Variants in NHERF2 observed in about 807,000 individuals in gnomAD.
NHERF2 encodes Na(+)/H(+) exchange regulatory cofactor NHE-RF2.
the NHERF2 span, chr16:2,033,493 G>C: frequency 1.4e-6 from 2 of 1,467,976 alleles, no homozygotes; most frequent in Non-Finnish European, 9.1e-7. Flanking sequence ...AGCCTCCCGG[G>C]GTGGAAGGAG....
the NHERF2 span, among the ~76,000 whole-genome samples, chr16:2,028,378 G>A: frequency 6.6e-6 from 1 of 152,144 alleles, no homozygotes; most frequent in East Asian, 1.9e-4. Flanking sequence ...CCAGGGCTGG[G>A]GCCAGGCTGC....
chr16:2,029,004 G>A, the NHERF2 span, among the ~76,000 whole-genome samples: 1 of 152,206 alleles, frequency 6.6e-6, no homozygotes, highest in Admixed American at 6.5e-5. Flanking sequence ...CCTCTCTGCA[G>A]ATCCAGAGGG....
chr16:2,031,078 T>C, the NHERF2 span, among the ~76,000 whole-genome samples: 1 of 152,196 alleles, frequency 6.6e-6, no homozygotes, highest in African/African-American at 2.4e-5. Context: ...GATATACACA[T>C]TCACTTTCTC....
the NHERF2 span, chr16:2,033,134 C>A: frequency 7.1e-7 from 1 of 1,409,550 alleles, no homozygotes. Flanking sequence ...GGACGGAAGC[C>A]TAGCTGGGTG....
chr16:2,027,917 C>A, the NHERF2 span, among the ~76,000 whole-genome samples: 1 of 152,222 alleles, frequency 6.6e-6, no homozygotes, highest in Admixed American at 6.5e-5. Context: ...CAACCACATT[C>A]CTTAGCTACA....
At chr16:2,032,717 C>T in the NHERF2 span, 1 of 741,404 alleles carries the variant, frequency 1.3e-6, no homozygotes, top group Non-Finnish European at 1.6e-6. This position sits in a 1 kb window ranked among gnomAD's most constrained non-coding sequence, Gnocchi z 4.0. Context: ...ATGACTCAGC[C>T]CTGGGCCACA....
chr16:2,028,920 C>CCCCTCG, the NHERF2 span, among the ~76,000 whole-genome samples: 9 of 152,228 alleles, frequency 5.9e-5, no homozygotes, highest in Non-Finnish European at 1.2e-4. Context: ...CCTGCCTCTC[C>CCCCTCG]CCCTCGCCGG....
chr16:2,027,048 G>A, the NHERF2 span: 2 of 1,374,826 alleles, frequency 1.5e-6, no homozygotes, highest in Non-Finnish European at 1.9e-6. Context: ...GTGCCGCTTG[G>A]TGCGCGGAGA....
chr16:2,037,620 C>T, the NHERF2 span: 11 of 1,610,682 alleles, frequency 6.8e-6, no homozygotes, highest in African/African-American at 4.0e-5. Context: ...TTCTCCACTC[C>T]TGAGCTCACA....
chr16:2,033,774 G>A, the NHERF2 span, among the ~76,000 whole-genome samples: 1 of 152,148 alleles, frequency 6.6e-6, no homozygotes, highest in Non-Finnish European at 1.5e-5. Context: ...GAGGAGGAAT[G>A]TGAGCTATGA....
the NHERF2 span, chr16:2,035,557 C>A: frequency 1.0e-6 from 1 of 987,168 alleles, no homozygotes; most frequent in Non-Finnish European, 1.2e-6. Flanking sequence ...CCGGCCACCG[C>A]CATGTTTAAC....
chr16:2,033,991 T>C, the NHERF2 span, among the ~76,000 whole-genome samples: 1 of 152,202 alleles, frequency 6.6e-6, no homozygotes, highest in Admixed American at 6.5e-5. Context: ...CGGCTGCTTC[T>C]GGACAGAGGC....
At chr16:2,036,536 T>C in the NHERF2 span, 15 of 1,554,082 alleles carry the variant, frequency 9.7e-6, no homozygotes, top group Admixed American at 1.9e-5. Context: ...GGGTGCCGAG[T>C]GCCCCGCACC....
chr16:2,034,005 G>A, the NHERF2 span, among the ~76,000 whole-genome samples: 3 of 152,314 alleles, frequency 2.0e-5, no homozygotes, highest in East Asian at 3.9e-4. Flanking sequence ...CAGAGGCAGA[G>A]GGGTGGCCAG....
chr16:2,036,054 G>T, the NHERF2 span: 3 of 482,262 alleles, frequency 6.2e-6, no homozygotes, highest in African/African-American at 5.9e-5. Context: ...CGCCACGCTG[G>T]CCTCGAGCCA....
chr16:2,029,527 A>G, the NHERF2 span: 6 of 1,493,544 alleles, frequency 4.0e-6, no homozygotes, highest in Non-Finnish European at 4.6e-6. Context: ...GCCACTGCCC[A>G]TGTGCTGCCC....
chr16:2,027,115 G>A, the NHERF2 span: 1 of 1,467,400 alleles, frequency 6.8e-7, no homozygotes, highest in South Asian at 1.3e-5. Context: ...CAGTTCATCC[G>A]GCGCGTGGAA....
chr16:2,033,235 C>G, the NHERF2 span: 1 of 1,510,738 alleles, frequency 6.6e-7, no homozygotes, highest in Non-Finnish European at 8.8e-7. Flanking sequence ...CCCACCCATC[C>G]CCGGGGAGCC....
the NHERF2 span, chr16:2,036,096 C>T: frequency 5.8e-6 from 3 of 515,100 alleles, no homozygotes; most frequent in South Asian, 6.3e-5. Context: ...GGGAAGGCGG[C>T]TGGGCCCGTC....
Sources: gnomAD v4.1 joint callset for allele counts (sites outside exome capture counted in the v4.1 genomes callset) on GRCh38, gnomAD v4.1.1 for gene constraint, Gnocchi (gnomAD v3.1) non-coding constraint, MANE v1.5 for transcripts, NCBI Gene and HGNC (gene_info 2026-07-23, HGNC 2026-07-21) for gene names.